Variants in ATP9A observed in about 807,000 individuals in gnomAD.
The protein encoded by ATP9A is ATPase phospholipid transporting 9A.
In ATP9A, 52 loss-of-function variants were observed where a neutral mutation model predicts 144.1. The observed-to-expected ratio is 0.36, with a 90% CI of 0.29 to 0.45. The LOEUF (loss-of-function observed/expected upper bound fraction) is 0.45. Among genes scored for constraint, ATP9A ranks in the 20% least tolerant of loss-of-function variants. The pLI is 1.00. For synonymous variants in ATP9A, 582 were observed against 557.4 expected, an observed-to-expected ratio of 1.04 and a Z score of -0.62; for missense variants, 947 against 1,392.7, an observed-to-expected ratio of 0.68 and a Z score of 5.09.
At chr20:51,735,299 C>T (rs762185022) in intron 1 of ATP9A, among the ~76,000 whole-genome samples, 5 of 152,144 alleles carry the variant, frequency 3.3e-5, no homozygotes, top group East Asian at 1.9e-4. Context: ...ATTCTTTGCA[C>T]GAAAGCAAGA....
chr20:51,692,096 G>C (rs911951713), intron 7 of ATP9A, among the ~76,000 whole-genome samples: 5 of 152,276 alleles, frequency 3.3e-5, no homozygotes, highest in South Asian at 4.2e-4. Flanking sequence ...CTGGGCCAAG[G>C]GGGGAATGTA....
intron 6 of ATP9A, 88 bp from the exon 7 acceptor site, chr20:51,694,190 A>T: frequency 1.0e-6 from 1 of 992,326 alleles, no homozygotes; most frequent in Non-Finnish European, 1.5e-6. Context: ...GTCCTTGTAA[A>T]AACAGCCAAC....
intron 1 of ATP9A, among the ~76,000 whole-genome samples, chr20:51,741,250 T>C (rs1247095349): frequency 6.6e-6 from 1 of 152,044 alleles, no homozygotes; most frequent in African/African-American, 2.4e-5. Flanking sequence ...CTTGAACTGA[T>C]GTCAATGGCA....
chr20:51,728,859 C>A (rs2077727174), intron 2 of ATP9A, among the ~76,000 whole-genome samples: 2 of 151,772 alleles, frequency 1.3e-5, no homozygotes, highest in Admixed American at 1.3e-4. Flanking sequence ...CCATTATGTT[C>A]CTTTCTGCAT....
intron 19 of ATP9A, among the ~76,000 whole-genome samples, chr20:51,619,722 G>T (rs1376216426): frequency 6.6e-6 from 1 of 151,488 alleles, no homozygotes; most frequent in African/African-American, 2.4e-5. Context: ...TACAAAATTA[G>T]CCGGGCTTGG....
At chr20:51,610,703 G>A (rs1203784779) in intron 23 of ATP9A, among the ~76,000 whole-genome samples, 4 of 152,116 alleles carry the variant, frequency 2.6e-5, no homozygotes, top group African/African-American at 9.7e-5. Context: ...CCTCACCTCT[G>A]TAGGCATGCA....
intron 14 of ATP9A, among the ~76,000 whole-genome samples, chr20:51,653,259 G>A (rs1350567168): frequency 6.6e-6 from 1 of 151,686 alleles, no homozygotes; most frequent in Non-Finnish European, 1.5e-5. Flanking sequence ...TTCATCCACA[G>A]AAGAGATAAA....
intron 3 of ATP9A, among the ~76,000 whole-genome samples, chr20:51,716,081 A>T (rs2077660690): frequency 6.6e-6 from 1 of 152,110 alleles, no homozygotes; most frequent in African/African-American, 2.4e-5. Context: ...GGTGATGGAA[A>T]TGTTCCATAT....
chr20:51,626,452 G>A (rs1454447831), intron 17 of ATP9A, among the ~76,000 whole-genome samples: 2 of 151,674 alleles, frequency 1.3e-5, no homozygotes, highest in African/African-American at 4.8e-5. Context: ...TCGTGCCATT[G>A]GCACTACAGT....
Position 51,656,932 on chromosome 20 carries a change from G to T in ATP9A, c.1506+6C>A. The T allele has an allele frequency of 6.2e-7, 1 of 1,612,752 alleles. No homozygotes were observed. Among genetic ancestry groups the T allele is most frequent in the Middle Eastern group, 1.8e-4 (1 of 5,688 alleles). ...CCCATGCCTTGCTGCACCTGCCCAG[G>T]TTTACCTCATCGGGGCTGGATGCCT... On this transcript the variant is annotated splice_donor_region_variant and intron_variant, in intron 14 of 27. Coordinates refer to ENST00000338821, the MANE Select transcript of ATP9A (RefSeq NM_006045.3).
At chr20:51,702,128 T>C (rs1018657084) in intron 4 of ATP9A, among the ~76,000 whole-genome samples, 1 of 151,434 alleles carries the variant, frequency 6.6e-6, no homozygotes, top group African/African-American at 2.4e-5. Flanking sequence ...TGAAACCCTG[T>C]CTCCACTAAA....
At chr20:51,651,180 A>ACACAC (rs1391433069) in intron 14 of ATP9A, among the ~76,000 whole-genome samples, 16 of 144,230 alleles carry the variant, frequency 1.1e-4, no homozygotes, top group African/African-American at 3.8e-4. Flanking sequence ...ACACACACAC[A>ACACAC]AAGTAAATAT....
intron 1 of ATP9A, among the ~76,000 whole-genome samples, chr20:51,730,732 G>A (rs1249578143): frequency 6.6e-6 from 1 of 152,138 alleles, no homozygotes; most frequent in Non-Finnish European, 1.5e-5. Context: ...GTAGCACAAT[G>A]GTAAGTACTT....
At chr20:51,640,043 C>A (rs1253124232) in intron 14 of ATP9A, among the ~76,000 whole-genome samples, 1 of 152,158 alleles carries the variant, frequency 6.6e-6, no homozygotes, top group Admixed American at 6.5e-5. Flanking sequence ...TGAGATCACG[C>A]CATTGCACTC....
intron 1 of ATP9A, among the ~76,000 whole-genome samples, chr20:51,750,357 G>A (rs1157005078): frequency 1.3e-5 from 2 of 151,870 alleles, no homozygotes; most frequent in East Asian, 3.9e-4. Flanking sequence ...CCTTTCACAT[G>A]CCCCAGTGCC....
chr20:51,609,656 G>A (rs961698035), intron 24 of ATP9A, among the ~76,000 whole-genome samples: 2 of 152,146 alleles, frequency 1.3e-5, no homozygotes, highest in East Asian at 1.9e-4. Flanking sequence ...GCACATCCCC[G>A]AGGCAGTGGA....
intron 4 of ATP9A, among the ~76,000 whole-genome samples, chr20:51,706,094 A>C (rs1447192925): frequency 1.3e-5 from 2 of 152,208 alleles, no homozygotes; most frequent in Non-Finnish European, 2.9e-5. Flanking sequence ...GACAATGAGG[A>C]GGCTAGATTG....
At chr20:51,674,355 G>A (rs749810916) in intron 10 of ATP9A, 42 bp from the exon 11 acceptor site, 3 of 1,600,386 alleles carry the variant, frequency 1.9e-6, no homozygotes, top group Middle Eastern at 1.7e-4. Context: ...ATGAGCTGGT[G>A]TAACTAATCT....
At chr20:51,739,096 G>A (rs2077774342) in intron 1 of ATP9A, among the ~76,000 whole-genome samples, 1 of 152,140 alleles carries the variant, frequency 6.6e-6, no homozygotes, top group Non-Finnish European at 1.5e-5. Context: ...AGGGACGCGT[G>A]TGAACCACCA....
Sources: gnomAD v4.1 joint callset for allele counts (sites outside exome capture counted in the v4.1 genomes callset) on GRCh38, gnomAD v4.1.1 for gene constraint, MANE v1.5 for transcripts, NCBI Gene and HGNC (gene_info 2026-07-23, HGNC 2026-07-21) for gene names.